Variants in SVOP observed in about 807,000 individuals in gnomAD.
SVOP encodes SV2 related protein.
Under a neutral mutation model 69.1 loss-of-function variants are expected in SVOP, and 17 were observed. That is an observed-to-expected ratio of 0.25 (90% CI 0.17 to 0.37). The LOEUF (loss-of-function observed/expected upper bound fraction) is 0.37. Ranked by LOEUF, SVOP falls within the 10% of genes least tolerant of loss-of-function variation. SVOP has a pLI of 1.00. For synonymous variants in SVOP, 238 were observed against 238.6 expected (o/e 1.00, Z 0.02); for missense variants, 435 against 597.5 (o/e 0.73, Z 2.84).
At chr12:108,958,767 T>A (rs1246968210) in intron 6 of SVOP, among the ~76,000 whole-genome samples, 1 of 152,044 alleles carries the variant, frequency 6.6e-6, no homozygotes, top group African/African-American at 2.4e-5. Context: ...TTGCCTAAGA[T>A]CATGCTCCAT....
chr12:108,938,784 C>T (rs548171023), intron 9 of SVOP, 43 bp downstream of exon 9: 18 of 1,613,272 alleles, frequency 1.1e-5, no homozygotes, highest in South Asian at 9.9e-5. Flanking sequence ...CCTGCATGCA[C>T]CCCGATACGC....
chr12:108,979,216 G>A (rs2040123328), intron 2 of SVOP, among the ~76,000 whole-genome samples: 1 of 81,724 alleles, frequency 1.2e-5, no homozygotes, highest in Non-Finnish European at 2.9e-5. Flanking sequence ...TACTTCCATG[G>A]CCAGAAAAAA....
intron 6 of SVOP, among the ~76,000 whole-genome samples, chr12:108,952,718 G>A (rs932162966): frequency 9.9e-5 from 15 of 152,094 alleles, no homozygotes; most frequent in African/African-American, 3.1e-4. Flanking sequence ...AATTAGCTGG[G>A]CGTGGTGGCA....
chr12:108,929,938 G>T (rs1221289065), intron 11 of SVOP, among the ~76,000 whole-genome samples: 1 of 152,068 alleles, frequency 6.6e-6, no homozygotes, highest in Non-Finnish European at 1.5e-5. Context: ...CTGGAACCCA[G>T]GTCTCCTAAT....
chr12:108,941,786 C>T (rs36184936), intron 7 of SVOP, among the ~76,000 whole-genome samples: 4 of 151,892 alleles, frequency 2.6e-5, no homozygotes, highest in South Asian at 4.2e-4. Context: ...CTCAGCCTCC[C>T]GAGTAGCTGG....
intron 12 of SVOP, among the ~76,000 whole-genome samples, chr12:108,922,474 T>A (rs1251229865): frequency 1.3e-5 from 2 of 152,182 alleles, no homozygotes; most frequent in African/African-American, 4.8e-5. Flanking sequence ...CCAGCATGCA[T>A]GAAACTGGGC....
chr12:109,020,188 A>G (rs950278974), intron 1 of SVOP, among the ~76,000 whole-genome samples: 5 of 152,150 alleles, frequency 3.3e-5, no homozygotes, highest in African/African-American at 1.2e-4. Context: ...AAAAATCGCC[A>G]TCCTCAAAGC....
chr12:108,919,851 A>G, intron 12 of SVOP, 65 bp from the exon 13 acceptor site: 1 of 1,113,550 alleles, frequency 9.0e-7, no homozygotes, highest in Non-Finnish European at 1.3e-6. Flanking sequence ...CCATCCTCGT[A>G]GCACAGCCTG....
At chr12:108,988,352 C>T (rs2040177929) in intron 1 of SVOP, among the ~76,000 whole-genome samples, 1 of 152,152 alleles carries the variant, frequency 6.6e-6, no homozygotes, top group East Asian at 1.9e-4. Context: ...ATTTTCTTCT[C>T]AACTTTTATG....
intron 11 of SVOP, 84 bp downstream of exon 11, chr12:108,934,111 G>T: frequency 1.6e-6 from 2 of 1,224,920 alleles, no homozygotes; most frequent in Non-Finnish European, 2.3e-6. Flanking sequence ...TAAGGGCAGA[G>T]CCTGGGGTGG....
intron 7 of SVOP, among the ~76,000 whole-genome samples, chr12:108,942,549 G>C (rs965502696): frequency 2.0e-5 from 3 of 152,324 alleles, no homozygotes; most frequent in South Asian, 2.1e-4. Flanking sequence ...GAAGCGGAGG[G>C]AGGAAAAAGA....
intron 6 of SVOP, among the ~76,000 whole-genome samples, chr12:108,948,106 C>T (rs762772769): frequency 1.3e-5 from 2 of 152,134 alleles, no homozygotes; most frequent in Non-Finnish European, 2.9e-5. Flanking sequence ...AAAGGCCCAT[C>T]CCCTGGCATT....
At chr12:108,928,991 C>A (rs1417046890) in intron 11 of SVOP, among the ~76,000 whole-genome samples, 1 of 152,188 alleles carries the variant, frequency 6.6e-6, no homozygotes, top group African/African-American at 2.4e-5. Context: ...TCTGAACAGG[C>A]CTTGCTGACT....
chr12:108,968,096 T>C (rs2040055686), intron 5 of SVOP, among the ~76,000 whole-genome samples: 1 of 152,168 alleles, frequency 6.6e-6, no homozygotes, highest in African/African-American at 2.4e-5. Flanking sequence ...CATCAGGCAG[T>C]TGCTGCTCTG....
intron 11 of SVOP, among the ~76,000 whole-genome samples, chr12:108,925,307 G>GT (rs888825358): frequency 6.6e-4 from 100 of 150,394 alleles, no homozygotes; most frequent in African/African-American, 2.4e-3. Context: ...CAGTGTAGAT[G>GT]TTTGGCTTTA....
chr12:108,952,048 G>T (rs977474652), intron 6 of SVOP, among the ~76,000 whole-genome samples: 1 of 152,048 alleles, frequency 6.6e-6, no homozygotes, highest in Non-Finnish European at 1.5e-5. Flanking sequence ...CCAGGTGCCT[G>T]GGTGCCCCAT....
chr12:108,933,695 AAATAATAATAATAAATTT>A (rs2039837655), intron 11 of SVOP, among the ~76,000 whole-genome samples: 1 of 151,602 alleles, frequency 6.6e-6, no homozygotes, highest in Non-Finnish European at 1.5e-5. Flanking sequence ...AAAAATAAAA[AAATAATAATAATAAATTT>A]AATAATAATA....
intron 1 of SVOP, among the ~76,000 whole-genome samples, chr12:109,018,023 G>A (rs76480374): frequency 0.019 from 2,927 of 152,190 alleles, 323 homozygotes; most frequent in Admixed American, 0.17. Context: ...GTGCTTAAGC[G>A]CAAGAACCAT....
chr12:108,931,377 G>T (rs12316186), intron 11 of SVOP, among the ~76,000 whole-genome samples: 1 of 152,162 alleles, frequency 6.6e-6, no homozygotes, highest in Non-Finnish European at 1.5e-5. Flanking sequence ...AAAAGCACAG[G>T]CATAAAAAAG....
Sources: allele counts gnomAD v4.1 joint callset (sites outside exome capture counted in the v4.1 genomes callset), GRCh38; gene constraint gnomAD v4.1.1; transcripts MANE v1.5; gene names NCBI Gene and HGNC (gene_info 2026-07-23, HGNC 2026-07-21).